Variants in HERC6 observed in about 807,000 individuals in gnomAD.
The protein encoded by HERC6 is HECT and RLD domain containing E3 ubiquitin protein ligase family member 6, also known as probable E3 ubiquitin-protein ligase HERC6.
HERC6 carries 101 observed loss-of-function variants against 114.5 expected under a neutral mutation model. The observed-to-expected ratio is 0.88, with a 90% confidence interval of 0.75 to 1.04. HERC6 has a LOEUF of 1.04. HERC6 is among the 50% of genes least tolerant of loss of function. HERC6 has a pLI of 0.00. For missense variants in HERC6, 1,133 were observed against 1,230.9 expected, an observed-to-expected ratio of 0.92 and a Z score of 1.19; for synonymous variants, 408 against 436.2, an observed-to-expected ratio of 0.94 and a Z score of 0.81.
rs528268708 is a variant in HERC6, at chr4:88,404,617, T to C, written c.1093-259T>C. Among the ~76,000 whole-genome samples, 86 of 152,338 alleles carry C rather than the reference T, an allele frequency of 5.6e-4. 1 individual carries two copies. In the South Asian group the frequency reaches 0.017, roughly 30 times the overall value. Reference sequence around the variant, plus strand: ...TAAATAATGCTGCAGTGAATAATGATCTACAAGTATCTGTTTGAAGCCCTG... The same window carrying C: ...TAAATAATGCTGCAGTGAATAATGACCTACAAGTATCTGTTTGAAGCCCTG... On this transcript the variant is annotated intron_variant, in intron 8 of 22. Coordinates refer to ENST00000264346, the MANE Select transcript of HERC6 (RefSeq NM_017912.4).
chr4:88,379,235 G>T (rs1368353384), intron 1 of HERC6, 115 bp downstream of exon 1: 2 of 827,370 alleles, frequency 2.4e-6, no homozygotes, highest in Non-Finnish European at 3.6e-6. Context: ...TGAGGGGCGC[G>T]GGGGCCCAGG....
chr4:88,383,922 TA>T (rs1303376049), intron 2 of HERC6, among the ~76,000 whole-genome samples: 3 of 152,124 alleles, frequency 2.0e-5, no homozygotes, highest in Non-Finnish European at 4.4e-5. Context: ...CCTTTGATCT[TA>T]ATCTTATCTC....
At chr4:88,439,727 G>C (rs546406375) in intron 20 of HERC6, 147 bp from the exon 21 acceptor site, 1 of 648,610 alleles carries the variant, frequency 1.5e-6, no homozygotes, top group Admixed American at 4.0e-5. Context: ...ACCAGGTTTT[G>C]GTCACAATAC....
intron 15 of HERC6, among the ~76,000 whole-genome samples, chr4:88,426,013 T>C (rs1360553151): frequency 1.3e-5 from 2 of 152,194 alleles, no homozygotes; most frequent in African/African-American, 4.8e-5. Context: ...ATTCCCTTTT[T>C]ATACCCCGCT....
At chr4:88,439,400 G>GAAGGGA (rs530954572) in intron 20 of HERC6, among the ~76,000 whole-genome samples, 17 of 149,158 alleles carry the variant, frequency 1.1e-4, no homozygotes, top group Non-Finnish European at 1.9e-4. Flanking sequence ...AAAGAAAAGG[G>GAAGGGA]AAGGGAAAGG....
rs755717414 is a variant in HERC6, at chr4:88,396,119, A to T, written c.864A>T (p.Leu288=). Reference sequence around the variant, plus strand: ...AACTTGTGGAAAGAATTGATGGCCTAGTTTCGCAGATAGATTGTGGAAGGT... The same window carrying T: ...AACTTGTGGAAAGAATTGATGGCCTTGTTTCGCAGATAGATTGTGGAAGGT... ...GPQLVERIDG[L]VSQIDCGSYH... The change falls in exon 6 of 23, where the codon CTA becomes CTT. Residue 288 remains leucine (L), a synonymous_variant. Coordinates refer to ENST00000264346, the MANE Select transcript of HERC6 (RefSeq NM_017912.4). 13 of 1,601,912 alleles carry T rather than the reference A, an allele frequency of 8.1e-6. No homozygotes were observed. The South Asian group carries it at 1.2e-4, about 15-fold the overall frequency.
At chr4:88,437,367 CT>C (rs1175876033) in intron 19 of HERC6, among the ~76,000 whole-genome samples, 1 of 151,994 alleles carries the variant, frequency 6.6e-6, no homozygotes, top group Non-Finnish European at 1.5e-5. Flanking sequence ...CCTGGGATCC[CT>C]TTTTTAAAAG....
At chr4:88,422,611 T>C (rs924160570) in intron 13 of HERC6, among the ~76,000 whole-genome samples, 2 of 152,206 alleles carry the variant, frequency 1.3e-5, no homozygotes, top group Admixed American at 1.3e-4. Flanking sequence ...TCATGTGTTA[T>C]AGATTTCAAA....
chr4:88,412,424 A>G (rs1736162120), intron 11 of HERC6, among the ~76,000 whole-genome samples: 1 of 152,110 alleles, frequency 6.6e-6, no homozygotes, highest in African/African-American at 2.4e-5. Flanking sequence ...TGGGCAACAT[A>G]GTGAGACTCC....
chr4:88,415,171 T>C (rs992665801), intron 12 of HERC6, among the ~76,000 whole-genome samples: 4 of 152,234 alleles, frequency 2.6e-5, no homozygotes, highest in Non-Finnish European at 4.4e-5. Context: ...GTATTATTTC[T>C]GTTTTTAATG....
chr4:88,435,596 C>T lies in HERC6; in HGVS notation c.2251-129C>T, dbSNP rs371425848. 5.2e-4 allele frequency: 258 copies of T among 493,006 alleles called. 5 individuals are homozygous for T. The South Asian group carries it at 0.011, about 22-fold the overall frequency. The allele number at this position is 493,006 out of a possible 1,614,324, so 30.5% of individuals were successfully genotyped here. A position where few individuals can be genotyped will look rare whatever the true frequency, so the allele number is the denominator to read the frequency against. On this transcript the variant is annotated intron_variant, in intron 17 of 22. Transcript: ENST00000264346. Reference sequence around the variant, plus strand: ...AGAAGAACTTCACATTTTTATTTTCCGGAAGCCCATTTTGTTTTTAATTTT... The same window carrying T: ...AGAAGAACTTCACATTTTTATTTTCTGGAAGCCCATTTTGTTTTTAATTTT...
chr4:88,442,492 C>T lies in HERC6; in HGVS notation c.*32C>T. ...CTGAGAGACTCAGGGTGGGCTTTCTCACACTTGGATCCTTCTGTTCTTCCT... is the reference window on the plus strand; with the variant it reads ...CTGAGAGACTCAGGGTGGGCTTTCTTACACTTGGATCCTTCTGTTCTTCCT... On this transcript the variant is annotated 3_prime_UTR_variant, in exon 23 of 23. Transcript: ENST00000264346. 1.3e-6 allele frequency: 2 copies of T among 1,482,366 alleles called. No homozygotes were observed. Among genetic ancestry groups the T allele is most frequent in the South Asian group, 1.1e-5 (1 of 86,966 alleles). 91.8% of individuals were successfully genotyped at this position (1,482,366 alleles called of 1,614,324 possible).
Position 88,380,180 on chromosome 4 carries a change from AT to A in HERC6, c.199+1061del, listed in dbSNP as rs1420352772. 7.4e-4 allele frequency among the ~76,000 whole-genome samples: 15 copies of A among 20,258 alleles called. 1 individual carries two copies. Among genetic ancestry groups the A allele is most frequent in the Non-Finnish European group, 9.1e-4 (12 of 13,118 alleles). The allele number at this position is 20,258 out of a possible 152,430, so 13.3% of individuals were successfully genotyped here. A position where few individuals can be genotyped will look rare whatever the true frequency, so the allele number is the denominator to read the frequency against. On this transcript the variant is annotated intron_variant, in intron 1 of 22. Transcript: ENST00000264346. ...TAATATATAAATATATATATAATATATAAATATATATATAATATAAATATAT... is the reference window on the plus strand; with the variant it reads ...TAATATATAAATATATATATAATATAAAATATATATATAATATAAATATAT...
At chr4:88,401,265 C>A (rs372239974) in intron 8 of HERC6, among the ~76,000 whole-genome samples, 3 of 151,964 alleles carry the variant, frequency 2.0e-5, no homozygotes, top group Non-Finnish European at 2.9e-5. Context: ...GAGGCCGAGG[C>A]GGGTGGATCA....
chr4:88,427,005 G>T (rs1737706409), intron 15 of HERC6, among the ~76,000 whole-genome samples: 1 of 152,040 alleles, frequency 6.6e-6, no homozygotes, highest in Non-Finnish European at 1.5e-5. Context: ...TGGGTCATTT[G>T]TCTATTCTGC....
intron 8 of HERC6, among the ~76,000 whole-genome samples, chr4:88,400,598 A>G (rs1250453713): frequency 6.6e-6 from 1 of 152,182 alleles, no homozygotes; most frequent in Non-Finnish European, 1.5e-5. Context: ...GAAATAAACA[A>G]CTCATAAATT....
At chr4:88,414,010 G>A (rs1314889152) in intron 12 of HERC6, among the ~76,000 whole-genome samples, 1 of 152,166 alleles carries the variant, frequency 6.6e-6, no homozygotes, top group African/African-American at 2.4e-5. Context: ...GAGATGGCAT[G>A]AAAGGCAATT....
In HERC6 at chr4:88,390,723, G is replaced by A. The variant is rs1456722689; in HGVS notation, c.508G>A (p.Ala170Thr). The change falls in exon 4 of 23, where the codon GCC becomes ACC. Residue 170 changes from alanine to threonine, a missense_variant. Physicochemically the swap from Ala to Thr is moderately conservative, Grantham distance 58 (BLOSUM62 0). Around this residue, in one of 3 missense-constraint regions of HERC6, gnomAD observed 735 missense variants for 754.0 expected, o/e 0.97. Coordinates refer to ENST00000264346, the MANE Select transcript of HERC6 (RefSeq NM_017912.4). ...CTTGGGGAAGGAGTTCCCCTCCCAAGCCAGCCCGCAGAGGGTGAGGTCCCT... is the reference window on the plus strand; with the variant it reads ...CTTGGGGAAGGAGTTCCCCTCCCAAACCAGCCCGCAGAGGGTGAGGTCCCT... ...LGLGKEFPSQ[A>T]SPQRVRSLEG... 3 of 1,614,054 alleles carry A rather than the reference G, an allele frequency of 1.9e-6. No individual in the cohort carries two copies. Among genetic ancestry groups the A allele is most frequent in the Non-Finnish European group, 1.7e-6 (2 of 1,179,968 alleles).
At chr4:88,399,295 G>T (rs1331092453) in intron 8 of HERC6, 1 of 152,064 alleles carries the variant, frequency 6.6e-6, no homozygotes, top group Non-Finnish European at 1.5e-5. Context: ...CTATACTTTG[G>T]TTGCTCTATC....
Sources: gnomAD v4.1 joint callset for allele counts (sites outside exome capture counted in the v4.1 genomes callset) on GRCh38, gnomAD v4.1.1 for gene constraint, gnomAD v4.1.1 regional missense constraint, MANE v1.5 for transcripts, NCBI Gene and HGNC (gene_info 2026-07-23, HGNC 2026-07-21) for gene names.